The following CSMD1 variants were observed in gnomAD, a reference collection of about 807,000 sequenced individuals.
The protein encoded by CSMD1 is CUB and sushi domain-containing protein 1.
Under a neutral mutation model 417.5 loss-of-function variants are expected in CSMD1, and 213 were observed. The ratio of observed to expected loss-of-function variants is 0.51; its 90% CI spans 0.46 to 0.57. The LOEUF (loss-of-function observed/expected upper bound fraction) is 0.57, where lower values mean the gene tolerates loss of function less well. Among genes scored for constraint, CSMD1 ranks in the 20% least tolerant of loss-of-function variants. The pLI, the probability that CSMD1 is intolerant of heterozygous loss-of-function variation, is 0.00. For missense variants in CSMD1, 6,923 were observed against 4,529.7 expected, an observed-to-expected ratio of 1.53 and a Z score of -15.17; for synonymous variants, 2,862 against 1,736.8, an observed-to-expected ratio of 1.65 and a Z score of -16.11.
At chr8:3,125,076 G>A (rs1390167829) in intron 41 of CSMD1, among the ~76,000 whole-genome samples, 4 of 152,162 alleles carry the variant, frequency 2.6e-5, no homozygotes, top group African/African-American at 9.7e-5. Context: ...TTTCTCAAAT[G>A]TCTTTTCCAA....
intron 3 of CSMD1, among the ~76,000 whole-genome samples, chr8:4,213,816 A>G (rs545180254): frequency 3.2e-4 from 49 of 152,206 alleles, no homozygotes; most frequent in Non-Finnish European, 5.6e-4. Flanking sequence ...ATTGAGAAAG[A>G]TAAGAAAAGA....
At chr8:3,986,736 C>T (rs965349054) in intron 5 of CSMD1, among the ~76,000 whole-genome samples, 8 of 151,512 alleles carry the variant, frequency 5.3e-5, no homozygotes, top group East Asian at 2.0e-4. Flanking sequence ...TGCTCAAAGG[C>T]CTGCTTTTAC....
chr8:4,285,228 C>A (rs1012479541), intron 3 of CSMD1, among the ~76,000 whole-genome samples: 1 of 152,172 alleles, frequency 6.6e-6, no homozygotes, highest in East Asian at 1.9e-4. Flanking sequence ...TGTATACAAT[C>A]CGGTTTCATC....
rs562290096 is a variant in CSMD1 at position 4,295,101 on chromosome 8, T to A, written c.415+124852A>T. 5.9e-4 allele frequency among the ~76,000 whole-genome samples: 87 copies of A among 147,228 alleles called. 2 individuals are homozygous for A. Among genetic ancestry groups the A allele is most frequent in the African/African-American group, 2.1e-3 (85 of 40,616 alleles). On this transcript the variant is annotated intron_variant, in intron 3 of 69. Transcript: ENST00000635120. ...ATATAATCTTAAGATTACACACATA[T>A]AATCTTAAGATTACACACATATAAT...
intron 5 of CSMD1, among the ~76,000 whole-genome samples, 193 bp downstream of exon 5, chr8:3,997,710 C>G (rs773738078): frequency 6.6e-6 from 1 of 152,096 alleles, no homozygotes; most frequent in Non-Finnish European, 1.5e-5. Context: ...AACACCAGCA[C>G]AAAGACATCT....
chr8:4,980,413 T>C (rs1299607120), intron 1 of CSMD1, among the ~76,000 whole-genome samples: 3 of 152,086 alleles, frequency 2.0e-5, no homozygotes, highest in African/African-American at 7.2e-5. Flanking sequence ...GGTCTGGTCT[T>C]GTGTGTGTGG....
chr8:3,728,322 G>A (rs1047797242), intron 6 of CSMD1, among the ~76,000 whole-genome samples: 4 of 151,996 alleles, frequency 2.6e-5, no homozygotes, highest in Non-Finnish European at 5.9e-5. Context: ...TGACTGTGAG[G>A]CCTCCCAGCC....
intron 18 of CSMD1, among the ~76,000 whole-genome samples, chr8:3,381,739 C>G (rs533691538): frequency 9.9e-4 from 150 of 152,170 alleles, no homozygotes; most frequent in Middle Eastern, 3.4e-3. Context: ...AACATAAATT[C>G]AAATAATACC....
intron 1 of CSMD1, among the ~76,000 whole-genome samples, chr8:4,640,100 G>C (rs928941855): frequency 6.6e-6 from 1 of 152,288 alleles, no homozygotes; most frequent in African/African-American, 2.4e-5. Context: ...GACCCATCAG[G>C]TTGAATCAGA....
intron 5 of CSMD1, among the ~76,000 whole-genome samples, chr8:3,988,527 G>C (rs771004593): frequency 3.9e-5 from 6 of 152,218 alleles, no homozygotes; most frequent in Non-Finnish European, 8.8e-5. Context: ...GTCAGAAACA[G>C]AGAATCTCTG....
chr8:4,961,607 C>G (rs748571153), intron 1 of CSMD1, among the ~76,000 whole-genome samples: 2 of 152,030 alleles, frequency 1.3e-5, no homozygotes, highest in Non-Finnish European at 2.9e-5. Context: ...AATTCTGTGC[C>G]GTTTTGTCGC....
At chr8:4,143,377 T>C (rs1803912010) in intron 3 of CSMD1, among the ~76,000 whole-genome samples, 1 of 150,588 alleles carries the variant, frequency 6.6e-6, no homozygotes, top group Non-Finnish European at 1.5e-5. Flanking sequence ...ATCCCTTTTT[T>C]TTTTTTTTTT....
At chr8:4,606,675 T>A (rs544125794) in intron 2 of CSMD1, among the ~76,000 whole-genome samples, 5 of 152,240 alleles carry the variant, frequency 3.3e-5, no homozygotes, top group Non-Finnish European at 7.3e-5. Flanking sequence ...TTCACTTGGA[T>A]GACTTCTGTA....
intron 11 of CSMD1, among the ~76,000 whole-genome samples, chr8:3,485,544 G>C (rs76383039): frequency 5.6e-4 from 41 of 72,786 alleles, no homozygotes; most frequent in African/African-American, 1.2e-3. Context: ...CACACAGAGA[G>C]AGAGAGAGAG....
intron 3 of CSMD1, among the ~76,000 whole-genome samples, chr8:4,415,689 T>G (rs180711769): frequency 6.6e-6 from 1 of 152,316 alleles, no homozygotes; most frequent in Admixed American, 6.5e-5. Context: ...AGAGGCCCCG[T>G]GAATGCTGAT....
Position 3,307,934 on chromosome 8 carries a change from G to C in CSMD1, c.3824-113C>G. ...TCTGCATTATATACATAGAGAAAAA[G>C]AATCACCATCATCTCTCTCTCCTGA... On this transcript the variant is annotated intron_variant, in intron 24 of 69. Coordinates refer to ENST00000635120, the MANE Select transcript of CSMD1 (RefSeq NM_033225.6). The C allele has an allele frequency of 1.1e-5, 13 of 1,164,672 alleles. 1 individual carries two copies. Among genetic ancestry groups the C allele is most frequent in the Middle Eastern group, 2.0e-4 (1 of 4,962 alleles). The allele number at this position is 1,164,672 out of a possible 1,614,324, so 72.1% of individuals were successfully genotyped here.
Position 3,199,769 on chromosome 8 carries a change from G to C in CSMD1, c.5139C>G (p.Leu1713=). 3 of 1,586,234 alleles carry C rather than the reference G, an allele frequency of 1.9e-6. No individual in the cohort carries two copies. The highest frequency in any genetic ancestry group is 1.2e-5 in the South Asian group (1 of 86,366). ...LPLATSNQIL[L]RFSAKSGASA... is the part of the protein sequence containing the mutation. ...AGGCACCGCTCTTTGCACTGAATCG[G>C]AGCAGAATTTGATTTGACGTAGCCA... The change falls in exon 33 of 70, where the codon CTC becomes CTG. Residue 1713 remains leucine (L), a synonymous_variant. Coordinates refer to ENST00000635120, the MANE Select transcript of CSMD1 (RefSeq NM_033225.6).
At chr8:4,049,591 T>C (rs1798317547) in intron 3 of CSMD1, among the ~76,000 whole-genome samples, 1 of 152,086 alleles carries the variant, frequency 6.6e-6, no homozygotes, top group African/African-American at 2.4e-5. Context: ...TGCTCTGTCT[T>C]TTTTATTTAG....
At chr8:3,746,044 C>T (rs893360704) in intron 6 of CSMD1, among the ~76,000 whole-genome samples, 1 of 152,172 alleles carries the variant, frequency 6.6e-6, no homozygotes, top group Non-Finnish European at 1.5e-5. Context: ...TTCCAAAGCA[C>T]ACCGCTACCT....
Sources: allele counts gnomAD v4.1 joint callset (sites outside exome capture counted in the v4.1 genomes callset), GRCh38; gene constraint gnomAD v4.1.1; transcripts MANE v1.5; gene names NCBI Gene and HGNC (gene_info 2026-07-23, HGNC 2026-07-21).